Variants in CDC123 observed in about 807,000 individuals in gnomAD.
The protein encoded by CDC123 is translation initiation factor eIF2 assembly protein.
In CDC123, 37 loss-of-function variants were observed where a neutral mutation model predicts 54.4. The observed-to-expected ratio is 0.68, with a 90% confidence interval of 0.52 to 0.89. The LOEUF (loss-of-function observed/expected upper bound fraction) is 0.89. Among genes scored for constraint, CDC123 ranks in the 40% least tolerant of loss-of-function variants. The pLI, the probability that CDC123 is intolerant of heterozygous loss-of-function variation, is 0.00. For missense variants in CDC123, 361 were observed against 412.1 expected, an observed-to-expected ratio of 0.88 and a Z score of 1.07; for synonymous variants, 144 against 136.8, an observed-to-expected ratio of 1.05 and a Z score of -0.37.
chr10:12,233,733 G>T (rs770884137), intron 7 of CDC123, among the ~76,000 whole-genome samples: 2 of 151,916 alleles, frequency 1.3e-5, no homozygotes, highest in African/African-American at 4.8e-5. Flanking sequence ...GCTTGACTAA[G>T]AGCTTATAAT....
At chr10:12,248,637 C>CT (rs1238882128) in intron 11 of CDC123, among the ~76,000 whole-genome samples, 2 of 150,430 alleles carry the variant, frequency 1.3e-5, no homozygotes, top group African/African-American at 4.9e-5. Flanking sequence ...GAAACCCCGT[C>CT]TCTACTAAAA....
intron 6 of CDC123, among the ~76,000 whole-genome samples, chr10:12,229,600 G>A (rs1835871691): frequency 6.6e-6 from 1 of 152,200 alleles, no homozygotes; most frequent in Admixed American, 6.5e-5. Context: ...CTTCCTTGGT[G>A]CTGCAGAGTA....
Position 12,209,992 on chromosome 10 carries a change from CCAGA to C in CDC123, c.176_179del (p.Asp59ValfsTer57). On this transcript the variant is annotated frameshift_variant, in exon 3 of 13. Coordinates refer to ENST00000281141, the MANE Select transcript of CDC123 (RefSeq NM_006023.3). LOFTEE classifies it high-confidence loss of function. Reference sequence around the variant, plus strand: ...GGATGATCCACCAACACATTCTCAGCCAGACAGTGATGATGAAGCAGAAGAAATA... The same window carrying C: ...GGATGATCCACCAACACATTCTCAGCCAGTGATGATGAAGCAGAAGAAATA... The C allele has an allele frequency of 6.2e-7, 1 of 1,614,070 alleles. No individual in the cohort carries two copies. The highest frequency in any genetic ancestry group is 8.5e-7 in the Non-Finnish European group (1 of 1,179,994).
intron 10 of CDC123, among the ~76,000 whole-genome samples, chr10:12,243,808 G>A (rs1219857010): frequency 1.3e-5 from 2 of 151,520 alleles, no homozygotes; most frequent in Non-Finnish European, 2.9e-5. Flanking sequence ...AGAAAGTCAA[G>A]TAGAAAAGAT....
intron 6 of CDC123, among the ~76,000 whole-genome samples, chr10:12,217,988 C>T (rs979734881): frequency 6.6e-6 from 1 of 152,048 alleles, no homozygotes; most frequent in Non-Finnish European, 1.5e-5. Flanking sequence ...ACTCGGGAGG[C>T]TGAGGCAGGA....
chr10:12,223,172 G>A (rs1005778735), intron 6 of CDC123, among the ~76,000 whole-genome samples: 2 of 152,180 alleles, frequency 1.3e-5, no homozygotes, highest in African/African-American at 4.8e-5. Flanking sequence ...GGGATTACAG[G>A]CTTGAGCCAG....
At chr10:12,218,859 G>A (rs767878445) in intron 6 of CDC123, among the ~76,000 whole-genome samples, 4 of 152,220 alleles carry the variant, frequency 2.6e-5, no homozygotes, top group East Asian at 3.8e-4. Context: ...GCCCTGCTGA[G>A]CCGCAGGTGC....
In CDC123 at chr10:12,232,994, C is replaced by G. The variant is rs900830509; in HGVS notation, c.489+1998C>G. Among the ~76,000 whole-genome samples, 4 of 152,032 alleles carry G rather than the reference C, an allele frequency of 2.6e-5. No homozygotes were observed. In the South Asian group the frequency reaches 8.3e-4, roughly 32 times the overall value. ...CAGGATGGTCTCGTTCTCCTGACCT[C>G]GTGATCCGTCCGCCTCAGCCTCCCA... On this transcript the variant is annotated intron_variant, in intron 7 of 12. Coordinates refer to ENST00000281141, the MANE Select transcript of CDC123 (RefSeq NM_006023.3).
rs372048003 is a variant in CDC123, at chr10:12,220,718, C to G, written c.440+3251C>G. 2.0e-5 allele frequency among the ~76,000 whole-genome samples: 3 copies of G among 152,358 alleles called. No individual in the cohort carries two copies. In the South Asian group the frequency reaches 6.2e-4, roughly 32 times the overall value. On this transcript the variant is annotated intron_variant, in intron 6 of 12. Coordinates refer to ENST00000281141, the MANE Select transcript of CDC123 (RefSeq NM_006023.3). ...AAATGCTGGGTGTGGTGGCTCATGCCTGTAATCCCAGCACTTTGGGAGGCC... is the reference window on the plus strand; with the variant it reads ...AAATGCTGGGTGTGGTGGCTCATGCGTGTAATCCCAGCACTTTGGGAGGCC...
At chr10:12,226,333 G>A (rs549633068) in intron 6 of CDC123, among the ~76,000 whole-genome samples, 4,942 of 151,256 alleles carry the variant, frequency 0.033, 124 homozygotes, top group Non-Finnish European at 0.052. Context: ...CCTCCTGGAC[G>A]GGGCGGCTGG....
chr10:12,245,866 T>G, intron 10 of CDC123: 1 of 244,972 alleles, frequency 4.1e-6, no homozygotes, highest in Admixed American at 5.5e-5. Context: ...AACCCAAGAG[T>G]TCAAGACCAG....
Position 12,230,814 on chromosome 10 carries a change from C to T in CDC123, c.441-134C>T, listed in dbSNP as rs116239639. The T allele has an allele frequency of 8.6e-4, 676 of 790,418 alleles. 1 individual carries two copies. The highest frequency in any genetic ancestry group is 2.3e-3 in the African/African-American group (131 of 57,126). The allele number at this position is 790,418 out of a possible 1,614,324, so 49.0% of individuals were successfully genotyped here. A position where few individuals can be genotyped will look rare whatever the true frequency, so the allele number is the denominator to read the frequency against. On this transcript the variant is annotated intron_variant, in intron 6 of 12. Transcript: ENST00000281141. ...TGAATACGGCTCAGTAAGTGTTCGT[C>T]GAATTTGAGTTAGTCTCCTGTTTCT...
chr10:12,237,208 C>T lies in CDC123; in HGVS notation c.630C>T (p.Arg210=). ...TTTCTAAACAAAAGGAAGAAATTCG[C>T]AGATGCATACAAGACTTTTTCAAGA... ...DHISKQKEEI[R]RCIQDFFKKH... Residue 210 remains arginine (R), a synonymous_variant, in exon 9 of 13, where the codon CGC becomes CGT. Coordinates refer to ENST00000281141, the MANE Select transcript of CDC123 (RefSeq NM_006023.3). The T allele has an allele frequency of 6.3e-7, 1 of 1,590,250 alleles. No homozygotes were observed. Among genetic ancestry groups the T allele is most frequent in the South Asian group, 1.2e-5 (1 of 85,240 alleles).
At chr10:12,219,268 C>T (rs970761477) in intron 6 of CDC123, among the ~76,000 whole-genome samples, 8 of 152,068 alleles carry the variant, frequency 5.3e-5, no homozygotes, top group Non-Finnish European at 7.4e-5. Context: ...TGTGTTACAT[C>T]GTATTACATG....
chr10:12,213,859 A>G (rs1808618704), intron 4 of CDC123, among the ~76,000 whole-genome samples: 2 of 152,204 alleles, frequency 1.3e-5, no homozygotes, highest in African/African-American at 4.8e-5. Context: ...TCCCTGCAGT[A>G]TGGGAGAAAA....
intron 6 of CDC123, among the ~76,000 whole-genome samples, chr10:12,221,705 T>A (rs908843015): frequency 4.0e-5 from 6 of 151,482 alleles, no homozygotes; most frequent in Admixed American, 2.0e-4. Context: ...TTTATTTTTT[T>A]AATTTGTATT....
chr10:12,198,560 C>T, intron 1 of CDC123, 145 bp from the exon 2 acceptor site: 1 of 629,180 alleles, frequency 1.6e-6, no homozygotes, highest in Non-Finnish European at 2.8e-6. Flanking sequence ...GATTTCTTGT[C>T]TACTGCTACC....
intron 6 of CDC123, among the ~76,000 whole-genome samples, chr10:12,222,993 G>A (rs982862795): frequency 2.6e-5 from 4 of 151,854 alleles, no homozygotes; most frequent in African/African-American, 9.7e-5. Flanking sequence ...CCGGGTTCAC[G>A]CCATTCTCCT....
Position 12,250,342 on chromosome 10 carries a change from C to G in CDC123, c.*5C>G. On this transcript the variant is annotated 3_prime_UTR_variant, in exon 13 of 13. Transcript: ENST00000281141. The stretch of plus-strand genomic sequence containing the variant: ...AATCAGCAGGAGGACGACTGATGAG[C>G]GTACTGGAACTGGAGAAGAGGAGGC... The G allele has an allele frequency of 6.2e-7, 1 of 1,602,380 alleles. No individual in the cohort carries two copies. Among genetic ancestry groups the G allele is most frequent in the Non-Finnish European group, 8.5e-7 (1 of 1,170,446 alleles).
Sources: gnomAD v4.1 joint callset for allele counts (sites outside exome capture counted in the v4.1 genomes callset) on GRCh38, gnomAD v4.1.1 for gene constraint, MANE v1.5 for transcripts, NCBI Gene and HGNC (gene_info 2026-07-23, HGNC 2026-07-21) for gene names.